The following ETFBKMT variants were observed in gnomAD, a reference collection of about 807,000 sequenced individuals.
ETFBKMT encodes electron transfer flavoprotein subunit beta lysine methyltransferase.
ETFBKMT carries 13 observed loss-of-function variants against 18.3 expected under a neutral mutation model. The ratio of observed to expected loss-of-function variants is 0.71; its 90% CI spans 0.46 to 1.13. ETFBKMT has a LOEUF of 1.13. ETFBKMT is among the 50% of genes most tolerant of loss of function. The pLI is 0.00. For missense variants in ETFBKMT, 293 were observed against 306.2 expected, an observed-to-expected ratio of 0.96 and a Z score of 0.32; for synonymous variants, 84 against 107.9, an observed-to-expected ratio of 0.78 and a Z score of 1.37.
Position 31,672,595 on chromosome 12 carries a change from T to TAAA in ETFBKMT, c.*4615_*4617dup. 3.5e-5 allele frequency: 11 copies of TAAA among 312,514 alleles called. No individual in the cohort carries two copies. Among genetic ancestry groups the TAAA allele is most frequent in the South Asian group, 1.3e-4 (2 of 15,774 alleles). 19.4% of individuals were successfully genotyped at this position (312,514 alleles called of 1,614,324 possible). On this transcript the variant is annotated 3_prime_UTR_variant, in exon 4 of 4. Coordinates refer to ENST00000357721, the MANE Select transcript of ETFBKMT (RefSeq NM_001135863.2). ...TGCACCTATCATGGTATTACTTGTT[T>TAAA]AAAAAAAAAAAACAGGCATTTGTTG...
At chr12:31,653,754 C>A (rs888247757) in intron 1 of ETFBKMT, among the ~76,000 whole-genome samples, 1 of 152,166 alleles carries the variant, frequency 6.6e-6, no homozygotes, top group African/African-American at 2.4e-5. Flanking sequence ...TTGAGACCAG[C>A]CTGGCCAACA....
Position 31,666,227 on chromosome 12 carries a change from C to A in ETFBKMT, c.445+10C>A. 6.3e-7 allele frequency: 1 copy of A among 1,598,120 alleles called. No individual in the cohort carries two copies. The highest frequency in any genetic ancestry group is 8.5e-7 in the Non-Finnish European group (1 of 1,175,478). ...AATGACATAGACCCTAGTAAGGATT[C>A]ATATTTTAAAATATTTAAGGCTCAT... On this transcript the variant is annotated intron_variant, in intron 3 of 3. Coordinates refer to ENST00000357721, the MANE Select transcript of ETFBKMT (RefSeq NM_001135863.2).
In ETFBKMT at chr12:31,670,585, G is replaced by C. The variant is rs1951252897; in HGVS notation, c.*2595G>C. The C allele has an allele frequency of 6.6e-6, 1 of 152,022 alleles. No homozygotes were observed. Among genetic ancestry groups the C allele is most frequent in the African/African-American group, 2.4e-5 (1 of 41,374 alleles). 9.4% of individuals were successfully genotyped at this position (152,022 alleles called of 1,614,324 possible). A position where few individuals can be genotyped will look rare whatever the true frequency, so the allele number is the denominator to read the frequency against. ...AGGCTCAGGTAATCCTCCCACTTCA[G>C]CCTCCTTAGTAGCTAGGACTGTAGG... is the stretch of plus-strand genomic sequence containing the variant. On this transcript the variant is annotated 3_prime_UTR_variant, in exon 4 of 4. Transcript: ENST00000357721.
chr12:31,661,957 G>C lies in ETFBKMT; in HGVS notation c.4G>C (p.Ala2Pro), dbSNP rs763525314. Residue 2 changes from alanine to proline, a missense_variant, in exon 2 of 4, where the codon GCT becomes CCT. By Grantham distance (27) the Ala-to-Pro change is conservative. Coordinates refer to ENST00000357721, the MANE Select transcript of ETFBKMT (RefSeq NM_001135863.2). ...CCTGTGTTTGGGGAAAGGACTGATG[G>C]CTTTGAGTCTAGGTTGGAAAGCACA... MALSLGWKAHRN... is the reference protein window; with the variant it reads MPLSLGWKAHRN... 5.0e-6 allele frequency: 8 copies of C among 1,613,260 alleles called. No individual in the cohort carries two copies. The East Asian group carries it at 1.6e-4, about 31-fold the overall frequency.
chr12:31,661,408 G>T (rs1951121124), intron 1 of ETFBKMT, among the ~76,000 whole-genome samples: 2 of 152,030 alleles, frequency 1.3e-5, no homozygotes, highest in Non-Finnish European at 2.9e-5. Flanking sequence ...ATGCACCAAA[G>T]CTTTCATCTG....
At chr12:31,652,029 T>C (rs1951021919) in intron 1 of ETFBKMT, among the ~76,000 whole-genome samples, 2 of 152,274 alleles carry the variant, frequency 1.3e-5, no homozygotes, top group Admixed American at 6.5e-5. Context: ...CAAGATGGTG[T>C]TGATCAACTA....
upstream of ETFBKMT, among the ~76,000 whole-genome samples, chr12:31,654,275 C>T (rs1023104603): frequency 2.4e-4 from 36 of 152,176 alleles, no homozygotes; most frequent in African/African-American, 8.4e-4. Context: ...TTCTTGAACT[C>T]CTGACCTCAG....
intron 2 of ETFBKMT, among the ~76,000 whole-genome samples, chr12:31,665,472 C>A (rs1483028675): frequency 6.6e-6 from 1 of 152,028 alleles, no homozygotes; most frequent in Non-Finnish European, 1.5e-5. Flanking sequence ...AAAGACATCT[C>A]TTTTCTTTCT....
At chr12:31,658,466 T>A (rs1382737977), upstream of ETFBKMT, among the ~76,000 whole-genome samples, 1 of 152,202 alleles carries the variant, frequency 6.6e-6, no homozygotes, top group Non-Finnish European at 1.5e-5. Flanking sequence ...TCTGGGGCTG[T>A]TGACTGGAAG....
Position 31,668,908 on chromosome 12 carries a change from A to G in ETFBKMT, c.*918A>G, listed in dbSNP as rs1951232325. ...TGCTTTTCGCATTAGAGCCCTTTGC[A>G]TGTTAATCAGTTATTTTAAATTTAT... On this transcript the variant is annotated 3_prime_UTR_variant, in exon 4 of 4. Coordinates refer to ENST00000357721, the MANE Select transcript of ETFBKMT (RefSeq NM_001135863.2). 1 of 152,208 alleles carries G rather than the reference A, an allele frequency of 6.6e-6. No homozygotes were observed. Among genetic ancestry groups the G allele is most frequent in the African/African-American group, 2.4e-5 (1 of 41,444 alleles). 9.4% of individuals were successfully genotyped at this position (152,208 alleles called of 1,614,324 possible). A position where few individuals can be genotyped will look rare whatever the true frequency, so the allele number is the denominator to read the frequency against.
rs1236670960 is a variant in ETFBKMT at position 31,670,930 on chromosome 12, GAAGT to G, written c.*2944_*2947del. On this transcript the variant is annotated 3_prime_UTR_variant, in exon 4 of 4. Coordinates refer to ENST00000357721, the MANE Select transcript of ETFBKMT (RefSeq NM_001135863.2). ...TGGTGATAGGTAGTAAGGAGAAAAA[GAAGT>G]AAGGGTAATAGGGAATACTGGGTAC... 1 of 152,156 alleles carries G rather than the reference GAAGT, an allele frequency of 6.6e-6. No homozygotes were observed. The highest frequency in any genetic ancestry group is 2.4e-5 in the African/African-American group (1 of 41,430). The allele number at this position is 152,156 out of a possible 1,614,324, so 9.4% of individuals were successfully genotyped here. A position where few individuals can be genotyped will look rare whatever the true frequency, so the allele number is the denominator to read the frequency against.
chr12:31,648,557 CTTTTTTTTTTTTTT>C (rs764501978), intron 1 of ETFBKMT, among the ~76,000 whole-genome samples: 6 of 82,984 alleles, frequency 7.2e-5, no homozygotes, highest in Non-Finnish European at 8.3e-5. Flanking sequence ...AGATGGGTTT[CTTTTTTTTTTTTTT>C]TTTTTTTTTT....
chr12:31,652,148 A>T (rs933783113), intron 1 of ETFBKMT, among the ~76,000 whole-genome samples: 1 of 152,190 alleles, frequency 6.6e-6, no homozygotes, highest in Non-Finnish European at 1.5e-5. Flanking sequence ...TGTAAATCAG[A>T]CACCGTCTCC....
chr12:31,654,875 G>C (rs536926291), upstream of ETFBKMT, among the ~76,000 whole-genome samples: 1 of 152,146 alleles, frequency 6.6e-6, no homozygotes, highest in African/African-American at 2.4e-5. Flanking sequence ...GGCTAACATG[G>C]TGAAACGCTG....
At position 31,669,295 on chromosome 12, in the gene ETFBKMT, A is replaced by G. The variant is rs1326934798; in HGVS notation, c.*1305A>G. 1 of 152,136 alleles carries G rather than the reference A, an allele frequency of 6.6e-6. No individual in the cohort carries two copies. The highest frequency in any genetic ancestry group is 1.5e-5 in the Non-Finnish European group (1 of 68,030). 9.4% of individuals were successfully genotyped at this position (152,136 alleles called of 1,614,324 possible). ...AGTAGCCTAACTGATGTGATAAGGT[A>G]TGGGAGAAGGTATGTTCTATAGTCC... is the stretch of plus-strand genomic sequence containing the variant. On this transcript the variant is annotated 3_prime_UTR_variant, in exon 4 of 4. Coordinates refer to ENST00000357721, the MANE Select transcript of ETFBKMT (RefSeq NM_001135863.2).
At position 31,648,661 on chromosome 12, in the gene ETFBKMT, T is replaced by A. The variant is rs531550347; in HGVS notation, c.-114+1406T>A. Among the ~76,000 whole-genome samples, 772 of 149,502 alleles carry A rather than the reference T, an allele frequency of 5.2e-3. 6 individuals are homozygous for A. Among genetic ancestry groups the A allele is most frequent in the Middle Eastern group, 0.041 (12 of 292 alleles). On this transcript the variant is annotated intron_variant, in intron 1 of 3. Coordinates refer to the ETFBKMT transcript ENST00000412352. ...ACTGCAAGCTCTGCCTCCCGGGTTC[T>A]AGCCATTCTCCTGCCTCAGCCTCCC...
At chr12:31,661,743 G>C (rs1951126755) in intron 1 of ETFBKMT, 98 bp from the exon 2 acceptor site, 5 of 525,152 alleles carry the variant, frequency 9.5e-6, no homozygotes, top group Non-Finnish European at 1.7e-5. Context: ...ACAGGCGTGA[G>C]CCACCGCGCC....
chr12:31,652,981 G>GGCGGATTGCCTGAGCTCA (rs1273784717), intron 1 of ETFBKMT, among the ~76,000 whole-genome samples: 1 of 152,240 alleles, frequency 6.6e-6, no homozygotes, highest in East Asian at 1.9e-4. Context: ...GGCCGAGGCC[G>GGCGGATTGCCTGAGCTCA]GCGGATTGCC....
chr12:31,665,641 G>T (rs1951184533), intron 2 of ETFBKMT, among the ~76,000 whole-genome samples: 1 of 152,148 alleles, frequency 6.6e-6, no homozygotes, highest in South Asian at 2.1e-4. Context: ...ACAGCCTTCA[G>T]ACCTGAGAGC....
Sources: allele counts gnomAD v4.1 joint callset (sites outside exome capture counted in the v4.1 genomes callset), GRCh38; gene constraint gnomAD v4.1.1; transcripts MANE v1.5; gene names NCBI Gene and HGNC (gene_info 2026-07-23, HGNC 2026-07-21).